The following REDIC1 variants were observed in gnomAD, a reference collection of about 807,000 sequenced individuals.
REDIC1 encodes the protein HEI10 Interacting Protein 1.
chr12:39,810,597 G>A, the REDIC1 span, among the ~76,000 whole-genome samples: 1 of 152,124 alleles, frequency 6.6e-6, no homozygotes, highest in Non-Finnish European at 1.5e-5. Context: ...TAAGTATAAT[G>A]TAAGCTGTAG....
the REDIC1 span, among the ~76,000 whole-genome samples, chr12:39,699,826 G>A: frequency 1.3e-5 from 2 of 152,184 alleles, no homozygotes; most frequent in African/African-American, 4.8e-5. Context: ...CCCCCAAGCA[G>A]TGGTAGACTG....
At chr12:39,871,808 A>G in the REDIC1 span, 1 of 1,605,578 alleles carries the variant, frequency 6.2e-7, no homozygotes, top group South Asian at 1.1e-5. Flanking sequence ...CTGCTAAACT[A>G]CCAAAGGTAA....
chr12:39,797,475 T>C, the REDIC1 span, among the ~76,000 whole-genome samples: 1 of 152,180 alleles, frequency 6.6e-6, no homozygotes, highest in South Asian at 2.1e-4. Context: ...TGGGAAAATA[T>C]ATAAGTGGTG....
chr12:39,711,757 GTGTA>G, the REDIC1 span, among the ~76,000 whole-genome samples: 40 of 116,852 alleles, frequency 3.4e-4, no homozygotes, highest in South Asian at 5.6e-3. Context: ...ACACATGCAT[GTGTA>G]TGTGTGTGTG....
chr12:39,631,114 T>G, the REDIC1 span, among the ~76,000 whole-genome samples: 2 of 152,210 alleles, frequency 1.3e-5, no homozygotes, highest in African/African-American at 4.8e-5. Context: ...GGTCTCAAAC[T>G]CCTGACCTCA....
At chr12:39,677,990 T>A in the REDIC1 span, among the ~76,000 whole-genome samples, 1 of 152,040 alleles carries the variant, frequency 6.6e-6, no homozygotes, top group East Asian at 1.9e-4. Context: ...TCAAAAAGTC[T>A]GGAAGTGCAC....
chr12:39,820,194 GT>G, the REDIC1 span, among the ~76,000 whole-genome samples: 1 of 152,102 alleles, frequency 6.6e-6, no homozygotes, highest in African/African-American at 2.4e-5. Flanking sequence ...AATAAAGTTG[GT>G]TAATCCTTGG....
chr12:39,696,785 T>A, the REDIC1 span, among the ~76,000 whole-genome samples: 1 of 151,996 alleles, frequency 6.6e-6, no homozygotes, highest in East Asian at 1.9e-4. Flanking sequence ...AATTGACATA[T>A]TGAAGAATGC....
the REDIC1 span, among the ~76,000 whole-genome samples, chr12:39,844,715 TG>T: frequency 6.6e-6 from 1 of 152,054 alleles, no homozygotes; most frequent in African/African-American, 2.4e-5. Context: ...AAGAAGCAAG[TG>T]GGGTCTCTAC....
chr12:39,702,035 AAAGC>A, the REDIC1 span, among the ~76,000 whole-genome samples: 3 of 152,086 alleles, frequency 2.0e-5, no homozygotes, highest in Non-Finnish European at 4.4e-5. Flanking sequence ...AAGAACTAGA[AAAGC>A]AAGAGCAAAC....
chr12:39,870,092 T>C, the REDIC1 span, among the ~76,000 whole-genome samples: 2 of 152,174 alleles, frequency 1.3e-5, no homozygotes, highest in South Asian at 2.1e-4. Context: ...TTTACTGGAA[T>C]ACCAAATGAA....
chr12:39,881,749 TG>T, the REDIC1 span, among the ~76,000 whole-genome samples: 1 of 152,178 alleles, frequency 6.6e-6, no homozygotes, highest in Non-Finnish European at 1.5e-5. Flanking sequence ...TAGATACCTC[TG>T]GGCCTGAGGA....
the REDIC1 span, among the ~76,000 whole-genome samples, chr12:39,712,619 A>G: frequency 6.9e-6 from 1 of 145,342 alleles, no homozygotes; most frequent in East Asian, 2.0e-4. Flanking sequence ...ATATATAGAT[A>G]TGTGTATATA....
At chr12:39,902,392 A>T in the REDIC1 span, among the ~76,000 whole-genome samples, 5 of 152,024 alleles carry the variant, frequency 3.3e-5, no homozygotes, top group African/African-American at 1.2e-4. Context: ...ATGTACATAC[A>T]CATGAAGAGA....
At chr12:39,856,848 A>C in the REDIC1 span, among the ~76,000 whole-genome samples, 3 of 152,250 alleles carry the variant, frequency 2.0e-5, no homozygotes, top group Non-Finnish European at 2.9e-5. Context: ...CGTTTCATAC[A>C]AACTTAATTA....
chr12:39,710,057 T>C, the REDIC1 span, among the ~76,000 whole-genome samples: 4 of 151,864 alleles, frequency 2.6e-5, no homozygotes, highest in Non-Finnish European at 5.9e-5. Flanking sequence ...ATATAGATCT[T>C]TTTAAATGGT....
At chr12:39,771,723 C>G in the REDIC1 span, among the ~76,000 whole-genome samples, 3 of 152,062 alleles carry the variant, frequency 2.0e-5, no homozygotes, top group African/African-American at 7.2e-5. Context: ...TTTCTTCAAA[C>G]TCATATGCCA....
the REDIC1 span, chr12:39,764,603 G>A: frequency 6.3e-7 from 1 of 1,593,138 alleles, no homozygotes; most frequent in Non-Finnish European, 8.5e-7. Flanking sequence ...CCAAGGCATT[G>A]GTCCCATTCC....
the REDIC1 span, among the ~76,000 whole-genome samples, chr12:39,722,585 T>C: frequency 2.0e-5 from 3 of 152,160 alleles, no homozygotes; most frequent in Non-Finnish European, 4.4e-5. Context: ...TGGTTTCAAA[T>C]ATCAAGTAAA....
Sources: allele counts gnomAD v4.1 joint callset (sites outside exome capture counted in the v4.1 genomes callset), GRCh38; gene constraint gnomAD v4.1.1; transcripts MANE v1.5; gene names NCBI Gene and HGNC (gene_info 2026-07-23, HGNC 2026-07-21).